The following DPP6 variants were observed in gnomAD, a reference collection of about 807,000 sequenced individuals.
DPP6 encodes the protein dipeptidyl peptidase like 6.
Under a neutral mutation model 122.6 loss-of-function variants are expected in DPP6, and 69 were observed. The ratio of observed to expected loss-of-function variants is 0.56; its 90% CI spans 0.46 to 0.69. The LOEUF (loss-of-function observed/expected upper bound fraction) is 0.69. Ranked by LOEUF, DPP6 falls within the 30% of genes least tolerant of loss-of-function variation. DPP6 has a pLI of 0.00. For synonymous variants in DPP6, 418 were observed against 433.1 expected (o/e 0.97, Z 0.43); for missense variants, 928 against 1,116.9 (o/e 0.83, Z 2.41).
intron 12 of DPP6, 88 bp downstream of exon 12, chr7:154,795,971 G>C (rs905537814): frequency 1.3e-5 from 19 of 1,515,032 alleles, no homozygotes; most frequent in Non-Finnish European, 1.6e-5. Flanking sequence ...CAGCAGAATG[G>C]CTTCTCAGAG....
chr7:153,987,563 T>G (rs1401412601), intron 1 of DPP6, among the ~76,000 whole-genome samples: 2 of 152,158 alleles, frequency 1.3e-5, no homozygotes, highest in Non-Finnish European at 2.9e-5. Context: ...AAACCATTTT[T>G]TTTTTTCCCT....
At chr7:154,207,420 T>C (rs1473597592) in intron 1 of DPP6, among the ~76,000 whole-genome samples, 1 of 152,190 alleles carries the variant, frequency 6.6e-6, no homozygotes, top group Non-Finnish European at 1.5e-5. Context: ...CATATACAAG[T>C]GTTGTATTTA....
intron 10 of DPP6, among the ~76,000 whole-genome samples, chr7:154,788,821 C>T (rs542974187): frequency 3.3e-5 from 5 of 152,282 alleles, no homozygotes; most frequent in East Asian, 1.9e-4. Context: ...TCTTCCCAGC[C>T]GGTAGGAAGG....
intron 7 of DPP6, among the ~76,000 whole-genome samples, chr7:154,673,276 G>A (rs1838681503): frequency 6.6e-6 from 1 of 152,202 alleles, no homozygotes; most frequent in Non-Finnish European, 1.5e-5. Context: ...AGCTGCAGTT[G>A]AGGTTTGCAA....
chr7:154,294,803 T>A (rs1252273040), intron 1 of DPP6, among the ~76,000 whole-genome samples: 1 of 152,168 alleles, frequency 6.6e-6, no homozygotes, highest in Non-Finnish European at 1.5e-5. Flanking sequence ...AGTGGAAACA[T>A]CTGCATCACC....
intron 1 of DPP6, among the ~76,000 whole-genome samples, chr7:154,369,289 T>G (rs1188386732): frequency 2.0e-5 from 3 of 151,580 alleles, no homozygotes; most frequent in Non-Finnish European, 4.4e-5. Context: ...GAGATGAGGT[T>G]TCACCATACT....
chr7:154,710,864 A>G (rs976818169), intron 7 of DPP6, among the ~76,000 whole-genome samples: 5 of 152,234 alleles, frequency 3.3e-5, no homozygotes, highest in Non-Finnish European at 7.3e-5. Flanking sequence ...GCGTATGATC[A>G]TTGCTAAACC....
intron 10 of DPP6, among the ~76,000 whole-genome samples, chr7:154,785,828 T>C (rs555442971): frequency 6.6e-6 from 1 of 152,354 alleles, no homozygotes; most frequent in South Asian, 2.1e-4. Flanking sequence ...GTGATTGCAA[T>C]TCTTTTTGTT....
At chr7:154,371,459 AT>A (rs1413459380) in intron 1 of DPP6, among the ~76,000 whole-genome samples, 1 of 152,038 alleles carries the variant, frequency 6.6e-6, no homozygotes, top group Non-Finnish European at 1.5e-5. Flanking sequence ...CAGTGAAAAA[AT>A]ATCACCTCCT....
intron 16 of DPP6, among the ~76,000 whole-genome samples, chr7:154,828,635 T>G (rs1394531775): frequency 1.3e-5 from 2 of 152,226 alleles, no homozygotes; most frequent in African/African-American, 4.8e-5. Context: ...TGTGTACATG[T>G]TCTAGTAATC....
intron 1 of DPP6, among the ~76,000 whole-genome samples, chr7:154,196,836 C>T (rs1232514026): frequency 2.6e-5 from 4 of 152,132 alleles, no homozygotes; most frequent in African/African-American, 7.2e-5. Context: ...GGCCCTATCC[C>T]GTTTCCACTT....
rs67690657 is a variant in DPP6, at chr7:154,760,215, G to A, written c.884-9202G>A. The stretch of plus-strand genomic sequence containing the variant: ...TCAAGGCAGTAATTTTATTTTTAAA[G>A]GAAAAGGATTCAGCAGGCGGATTCT... On this transcript the variant is annotated intron_variant, in intron 8 of 25. Coordinates refer to ENST00000377770, the MANE Select transcript of DPP6 (RefSeq NM_130797.4). This position sits in a 1 kb window ranked among gnomAD's most constrained non-coding sequence, Gnocchi z 4.5. 0.28 allele frequency among the ~76,000 whole-genome samples: 42,557 copies of A among 152,152 alleles called. 6,294 individuals carry two copies. Among genetic ancestry groups the A allele is most frequent in the African/African-American group, 0.37 (15,332 of 41,496 alleles).
intron 1 of DPP6, among the ~76,000 whole-genome samples, chr7:154,277,993 A>G (rs1804250768): frequency 6.6e-6 from 1 of 152,128 alleles, no homozygotes. Context: ...GCCCACACTC[A>G]AGTGAGGAAG....
At chr7:154,796,075 G>A (rs766216564) in intron 12 of DPP6, 192 bp downstream of exon 12, 7 of 835,328 alleles carry the variant, frequency 8.4e-6, no homozygotes, top group Non-Finnish European at 1.2e-5. Context: ...AGAGCTCCAG[G>A]AGAATCCAAG....
intron 1 of DPP6, among the ~76,000 whole-genome samples, chr7:154,200,812 G>A (rs934032253): frequency 6.6e-6 from 1 of 152,134 alleles, no homozygotes; most frequent in Non-Finnish European, 1.5e-5. Context: ...AGTTAGCCCC[G>A]CCTGGACACC....
chr7:154,055,769 T>TC (rs1397034992), intron 1 of DPP6: 1 of 152,204 alleles, frequency 6.6e-6, no homozygotes, highest in Non-Finnish European at 1.5e-5. Context: ...GCCTTTTCAG[T>TC]CCTGATCCCA....
At position 153,935,177 on chromosome 7, in the gene DPP6, G is replaced by A. The variant is rs376040002; in HGVS notation, c.51+47443G>A. Among the ~76,000 whole-genome samples the A allele has an allele frequency of 4.6e-5, 7 of 152,198 alleles. No individual in the cohort carries two copies. In the East Asian group the frequency reaches 5.8e-4, roughly 13 times the overall value. On this transcript the variant is annotated intron_variant, in intron 1 of 25. Coordinates refer to the DPP6 transcript ENST00000404039. ...AAACTCCTCACTTGCTGGGCTCTGC[G>A]GGGCAGACAGTGAAGGGGAGCTGCA... is the stretch of plus-strand genomic sequence containing the variant.
intron 21 of DPP6, among the ~76,000 whole-genome samples, chr7:154,883,379 TACAC>T (rs1415420036): frequency 1.1e-5 from 1 of 93,508 alleles, no homozygotes; most frequent in African/African-American, 4.5e-5. Context: ...CACGATTACA[TACAC>T]CTGCTCACAC....
Position 154,772,950 on chromosome 7 carries a change from TC to T in DPP6, c.1136+10del. On this transcript the variant is annotated intron_variant, in intron 10 of 25. Coordinates refer to ENST00000377770, the MANE Select transcript of DPP6 (RefSeq NM_130797.4). ...TGATGATCCACGGATGAGGTTTGCTTCCTTCTATTATGTTACCAAAAAAAAA... is the reference window on the plus strand; with the variant it reads ...TGATGATCCACGGATGAGGTTTGCTTCTTCTATTATGTTACCAAAAAAAAA... 1 of 1,572,460 alleles carries T rather than the reference TC, an allele frequency of 6.4e-7. No individual in the cohort carries two copies. The highest frequency in any genetic ancestry group is 8.6e-7 in the Non-Finnish European group (1 of 1,162,804).
Sources: allele counts gnomAD v4.1 joint callset (sites outside exome capture counted in the v4.1 genomes callset), GRCh38; gene constraint gnomAD v4.1.1; non-coding constraint Gnocchi (gnomAD v3.1); transcripts MANE v1.5; gene names NCBI Gene and HGNC (gene_info 2026-07-23, HGNC 2026-07-21).